Variants in MALRD1 observed in about 807,000 individuals in gnomAD.
The protein encoded by MALRD1 is MAM and LDL receptor class A domain containing 1, also known as MAM and LDL-receptor class A domain-containing protein 1.
In MALRD1, 247 loss-of-function variants were observed where a neutral mutation model predicts 242.1. The observed-to-expected ratio is 1.02, with a 90% confidence interval of 0.92 to 1.13. The LOEUF is 1.13. Ranked by LOEUF, MALRD1 falls within the 50% of genes most tolerant of loss-of-function variation. The probability of loss-of-function intolerance (pLI) is 0.00; values close to 1 mark genes in which losing one functional copy is unlikely to be tolerated. For synonymous variants in MALRD1, 995 were observed against 866.6 expected (o/e 1.15, Z -2.60); for missense variants, 2,989 against 2,533.1 (o/e 1.18, Z -3.86).
At chr10:19,250,619 CT>C (rs913740846) in intron 18 of MALRD1, among the ~76,000 whole-genome samples, 2 of 151,782 alleles carry the variant, frequency 1.3e-5, no homozygotes, top group Admixed American at 6.6e-5. Flanking sequence ...AATTTTGGCC[CT>C]TTTTTTGTGC....
chr10:19,665,736 G>T (rs746318613), intron 36 of MALRD1, among the ~76,000 whole-genome samples: 4 of 151,956 alleles, frequency 2.6e-5, no homozygotes, highest in Non-Finnish European at 4.4e-5. Context: ...TACCACTCAG[G>T]ATTTCTGATT....
At chr10:19,332,145 T>G (rs1475695743) in intron 24 of MALRD1, among the ~76,000 whole-genome samples, 1 of 151,190 alleles carries the variant, frequency 6.6e-6, no homozygotes, top group Non-Finnish European at 1.5e-5. Context: ...ATTGCAGGCA[T>G]GAGTTACTGT....
At chr10:19,584,274 A>G (rs1255325245) in intron 33 of MALRD1, among the ~76,000 whole-genome samples, 1 of 151,870 alleles carries the variant, frequency 6.6e-6, no homozygotes, top group Non-Finnish European at 1.5e-5. Context: ...TAGCTTTTGA[A>G]TGTGTTTGCT....
chr10:19,239,831 G>A (rs1245339487), intron 18 of MALRD1, among the ~76,000 whole-genome samples: 1 of 152,088 alleles, frequency 6.6e-6, no homozygotes, highest in East Asian at 1.9e-4. Flanking sequence ...TTATTTCTGA[G>A]CTGTATATTC....
chr10:19,589,211 A>G (rs1837623284), intron 33 of MALRD1, among the ~76,000 whole-genome samples: 1 of 152,206 alleles, frequency 6.6e-6, no homozygotes, highest in South Asian at 2.1e-4. Context: ...GGATAGATAG[A>G]TAGATAGAAG....
In MALRD1 at chr10:19,595,438, T is replaced by C; in HGVS notation, c.5925T>C (p.Asn1975=). The change falls in exon 34 of 40, where the codon AAT becomes AAC. Residue 1975 remains asparagine (N), a synonymous_variant. Coordinates refer to ENST00000454679, the MANE Select transcript of MALRD1 (RefSeq NM_001142308.3). The part of the protein sequence containing the change: ...LCDGVPDCHF[N]EDELICSNKS... ...ATGGAGTGCCCGACTGCCACTTTAA[T>C]GAAGATGAGCTCATCTGCTGTGAGT... The C allele has an allele frequency of 1.3e-6, 2 of 1,550,182 alleles. No homozygotes were observed. Among genetic ancestry groups the C allele is most frequent in the Non-Finnish European group, 1.7e-6 (2 of 1,146,704 alleles).
At chr10:19,193,853 TATAC>T (rs1488624745) in intron 14 of MALRD1, among the ~76,000 whole-genome samples, 2 of 151,396 alleles carry the variant, frequency 1.3e-5, no homozygotes, top group African/African-American at 4.9e-5. Context: ...TATATATATA[TATAC>T]ACACACATAT....
chr10:19,692,093 T>C (rs1453183627), intron 36 of MALRD1, among the ~76,000 whole-genome samples, 189 bp from the exon 37 acceptor site: 1 of 152,160 alleles, frequency 6.6e-6, no homozygotes, highest in African/African-American at 2.4e-5. Context: ...TCTTACACAA[T>C]GATATGAAAA....
chr10:19,607,922 A>T lies in MALRD1; in HGVS notation c.6070+20A>T. ...GCTCCGGTACCCCATTTCCATTCAG[A>T]TATTCTTGTGATATGAACCAGCAAC... On this transcript the variant is annotated intron_variant, in intron 35 of 39. Transcript: ENST00000454679. 2 of 1,548,556 alleles carry T rather than the reference A, an allele frequency of 1.3e-6. No homozygotes were observed. Among genetic ancestry groups the T allele is most frequent in the East Asian group, 2.4e-5 (1 of 40,868 alleles).
At chr10:19,541,406 C>T (rs185155501) in intron 32 of MALRD1, among the ~76,000 whole-genome samples, 399 of 152,244 alleles carry the variant, frequency 2.6e-3, no homozygotes, top group African/African-American at 9.3e-3. Context: ...CTGAGCATGT[C>T]TTACTATTTT....
chr10:19,161,550 CAAAA>C lies in MALRD1; in HGVS notation c.1657-4073_1657-4070del. Among the ~76,000 whole-genome samples, 12 of 60,840 alleles carry C rather than the reference CAAAA, an allele frequency of 2.0e-4. No homozygotes were observed. In the South Asian group the frequency reaches 2.2e-3, roughly 11 times the overall value. The allele number at this position is 60,840 out of a possible 152,430, so 39.9% of individuals were successfully genotyped here. ...ATAATAAAAATAAAGAAAAAAAAAG[CAAAA>C]AAAAAAAAAAAAAGAAAATTTCCTT... On this transcript the variant is annotated intron_variant, in intron 12 of 39. Transcript: ENST00000454679.
At chr10:19,193,716 G>A (rs958330365) in intron 14 of MALRD1, among the ~76,000 whole-genome samples, 15 of 152,052 alleles carry the variant, frequency 9.9e-5, no homozygotes, top group African/African-American at 3.6e-4. Context: ...AGAGTTCCCT[G>A]TGAATTTTAA....
At chr10:19,495,508 A>G (rs749839114) in intron 30 of MALRD1, among the ~76,000 whole-genome samples, 2 of 152,120 alleles carry the variant, frequency 1.3e-5, no homozygotes, top group African/African-American at 4.8e-5. Flanking sequence ...ACTAAACTTC[A>G]TAAATGAAGG....
At chr10:19,270,836 A>ACACG (rs1840197727) in intron 19 of MALRD1, among the ~76,000 whole-genome samples, 1 of 151,438 alleles carries the variant, frequency 6.6e-6, no homozygotes, top group African/African-American at 2.4e-5. Flanking sequence ...ACACACACAC[A>ACACG]CACACACGCA....
chr10:19,131,349 C>T (rs894214064), intron 8 of MALRD1, among the ~76,000 whole-genome samples: 4 of 151,972 alleles, frequency 2.6e-5, no homozygotes, highest in African/African-American at 9.7e-5. Flanking sequence ...GACATTAGAA[C>T]TTGAGAAGTG....
chr10:19,283,270 C>A, intron 21 of MALRD1, 89 bp downstream of exon 21: 2 of 1,089,570 alleles, frequency 1.8e-6, no homozygotes, highest in Non-Finnish European at 2.4e-6. Context: ...TATCCTAGGC[C>A]AATGCTACTG....
chr10:19,327,053 A>T (rs1843163465), intron 22 of MALRD1, among the ~76,000 whole-genome samples: 1 of 152,050 alleles, frequency 6.6e-6, no homozygotes, highest in Non-Finnish European at 1.5e-5. Flanking sequence ...TTGGGCAGGA[A>T]GCTCTTACTG....
At chr10:19,421,363 G>A (rs1361386855) in intron 28 of MALRD1, among the ~76,000 whole-genome samples, 1 of 152,156 alleles carries the variant, frequency 6.6e-6, no homozygotes, top group Non-Finnish European at 1.5e-5. Context: ...GCTAGCTTTG[G>A]AGATGAATGG....
At chr10:19,186,724 T>A (rs950347975) in intron 14 of MALRD1, among the ~76,000 whole-genome samples, 4 of 152,314 alleles carry the variant, frequency 2.6e-5, no homozygotes, top group Middle Eastern at 3.4e-3. Context: ...TTTGACAAGA[T>A]CGTTGTTCTT....
Sources: allele counts gnomAD v4.1 joint callset (sites outside exome capture counted in the v4.1 genomes callset), GRCh38; gene constraint gnomAD v4.1.1; transcripts MANE v1.5; gene names NCBI Gene and HGNC (gene_info 2026-07-23, HGNC 2026-07-21).